Variants in TERF2 observed in about 807,000 individuals in gnomAD.
The protein encoded by TERF2 is telomeric repeat binding factor 2.
Under a neutral mutation model 56.1 loss-of-function variants are expected in TERF2, and 16 were observed. The ratio of observed to expected loss-of-function variants is 0.29; its 90% CI spans 0.19 to 0.43. The LOEUF is 0.43. Among genes scored for constraint, TERF2 ranks in the 20% least tolerant of loss-of-function variants. TERF2 has a pLI of 1.00. For missense variants in TERF2, 547 were observed against 712.9 expected, an observed-to-expected ratio of 0.77 and a Z score of 2.65; for synonymous variants, 296 against 282.1, an observed-to-expected ratio of 1.05 and a Z score of -0.50.
chr16:69,377,663 C>T (rs896620975), intron 3 of TERF2, among the ~76,000 whole-genome samples: 3 of 152,186 alleles, frequency 2.0e-5, no homozygotes, highest in Admixed American at 2.0e-4. Context: ...TTTTGCTAGA[C>T]TTACACGTAT....
intron 8 of TERF2, among the ~76,000 whole-genome samples, chr16:69,357,766 G>GC (rs1161614035): frequency 6.6e-6 from 1 of 151,932 alleles, no homozygotes; most frequent in East Asian, 1.9e-4. Context: ...CCTGTACAAT[G>GC]CAAGTGCTTT....
At chr16:69,385,159 CA>C (rs2014144799) in intron 2 of TERF2, among the ~76,000 whole-genome samples, 1 of 151,768 alleles carries the variant, frequency 6.6e-6, no homozygotes, top group South Asian at 2.1e-4. Flanking sequence ...TTGGGGTGAG[CA>C]ATTAACAGGT....
chr16:69,385,451 C>T lies in TERF2; in HGVS notation c.415G>A (p.Val139Met), dbSNP rs747511003. 6.2e-7 allele frequency: 1 copy of T among 1,614,032 alleles called. No individual in the cohort carries two copies. The highest frequency in any genetic ancestry group is 8.5e-7 in the Non-Finnish European group (1 of 1,180,028). ...TGCATAACCCGCAGCAATCGGGACA[C>T]GGTGTGCTCCTTCCCCAAGGGCCTG... ...LVRPLGKEHT[V>M]SRLLRVMQCL... The change falls in exon 2 of 10, where the codon GTG (valine) becomes ATG (methionine). Residue 139 changes from valine to methionine, a missense_variant. Coordinates refer to ENST00000254942, the MANE Select transcript of TERF2 (RefSeq NM_005652.5).
intron 9 of TERF2, 151 bp from the exon 10 acceptor site, chr16:69,357,207 G>T (rs906272427): frequency 2.1e-6 from 2 of 938,974 alleles, no homozygotes; most frequent in Non-Finnish European, 1.6e-6. Flanking sequence ...GAATGGACAA[G>T]ATATGAGCAC....
intron 6 of TERF2, 72 bp from the exon 7 acceptor site, chr16:69,367,271 T>C (rs555402612): frequency 8.3e-5 from 123 of 1,488,012 alleles, no homozygotes; most frequent in Non-Finnish European, 1.0e-4. Context: ...CACAACTTTT[T>C]TGAAGTTTGA....
rs1210209098 is a variant in TERF2 at position 69,385,525 on chromosome 16, C to A, written c.380-39G>T. 3.7e-6 allele frequency: 6 copies of A among 1,612,624 alleles called. No homozygotes were observed. The African/African-American group carries it at 6.7e-5, about 18-fold the overall frequency. On this transcript the variant is annotated intron_variant, in intron 1 of 9. Transcript: ENST00000254942. ...CATCGTTGGCTGGGCGACCCCCAGTCCCGACTCCCGGTCCCCCGGACCCCC... is the reference window on the plus strand; with the variant it reads ...CATCGTTGGCTGGGCGACCCCCAGTACCGACTCCCGGTCCCCCGGACCCCC...
intron 8 of TERF2, among the ~76,000 whole-genome samples, chr16:69,357,873 G>C (rs999147228): frequency 6.8e-6 from 1 of 147,058 alleles, no homozygotes; most frequent in Non-Finnish European, 1.5e-5. Flanking sequence ...TTTTGAGACG[G>C]AGTCTTGCTC....
chr16:69,370,405 C>CT (rs536036554), intron 5 of TERF2, 78 bp downstream of exon 5: 13 of 1,547,782 alleles, frequency 8.4e-6, no homozygotes, highest in Admixed American at 6.0e-5. Context: ...CACATCAACT[C>CT]TTTTCACTTC....
chr16:69,372,158 T>C, intron 4 of TERF2, 111 bp downstream of exon 4: 1 of 695,798 alleles, frequency 1.4e-6, no homozygotes, highest in Non-Finnish European at 2.4e-6. Context: ...TGTTACATGT[T>C]GAAAGGAGAA....
At chr16:69,382,442 G>C (rs2014037584) in intron 3 of TERF2, among the ~76,000 whole-genome samples, 2 of 152,218 alleles carry the variant, frequency 1.3e-5, no homozygotes, top group African/African-American at 4.8e-5. Flanking sequence ...AGGTAATTGT[G>C]GTTGCCAACC....
chr16:69,372,122 G>T, intron 4 of TERF2, 147 bp downstream of exon 4: 2 of 538,228 alleles, frequency 3.7e-6, no homozygotes, highest in Middle Eastern at 4.0e-4. Flanking sequence ...GAGTTATCTT[G>T]GATATAAAAG....
At chr16:69,367,881 G>C (rs1286561950) in intron 6 of TERF2, among the ~76,000 whole-genome samples, 2 of 152,124 alleles carry the variant, frequency 1.3e-5, no homozygotes, top group Non-Finnish European at 2.9e-5. Context: ...AGCATCCTTG[G>C]ATACTCCCAC....
Position 69,370,636 on chromosome 16 carries a change from A to G in TERF2, c.694-7T>C, listed in dbSNP as rs2013532618. On this transcript the variant is annotated splice_region_variant and splice_polypyrimidine_tract_variant and intron_variant, in intron 4 of 9. Coordinates refer to ENST00000254942, the MANE Select transcript of TERF2 (RefSeq NM_005652.5). Reference sequence around the variant, plus strand: ...GGAGATCATTTCTCAGCTTCTACACAATGGACCGATATTTGCAACATGAGA... The same window carrying G: ...GGAGATCATTTCTCAGCTTCTACACGATGGACCGATATTTGCAACATGAGA... 2 of 1,599,346 alleles carry G rather than the reference A, an allele frequency of 1.3e-6. No homozygotes were observed. The highest frequency in any genetic ancestry group is 2.2e-5 in the East Asian group (1 of 44,666).
intron 8 of TERF2, 148 bp downstream of exon 8, chr16:69,361,256 G>T: frequency 1.6e-6 from 1 of 613,674 alleles, no homozygotes; most frequent in Non-Finnish European, 2.9e-6. Flanking sequence ...AAAAAAAACT[G>T]ATTCTTCATG....
At chr16:69,359,309 C>T (rs1446013337) in intron 8 of TERF2, among the ~76,000 whole-genome samples, 2 of 152,146 alleles carry the variant, frequency 1.3e-5, no homozygotes, top group African/African-American at 2.4e-5. Flanking sequence ...GGGCGGATCA[C>T]TTGAGGTCAG....
intron 1 of TERF2, 31 bp from the exon 2 acceptor site, chr16:69,385,517 C>T (rs764976199): frequency 1.2e-6 from 2 of 1,612,698 alleles, no homozygotes; most frequent in Non-Finnish European, 1.7e-6. Flanking sequence ...GGCTGGGCGA[C>T]CCCCAGTCCC....
In TERF2 at chr16:69,385,369, A is replaced by G. The variant is rs763133925; in HGVS notation, c.475+22T>C. The stretch of plus-strand genomic sequence containing the variant: ...AAACCCTACGCAAGTAAGCCCAGAG[A>G]AGAACACAAAAATAGCCATACCTAA... On this transcript the variant is annotated intron_variant, in intron 2 of 9. Transcript: ENST00000254942. 15 of 1,602,216 alleles carry G rather than the reference A, an allele frequency of 9.4e-6. No individual in the cohort carries two copies. In the East Asian group the frequency reaches 3.3e-4, roughly 36 times the overall value.
intron 3 of TERF2, among the ~76,000 whole-genome samples, chr16:69,382,544 G>A (rs987647179): frequency 6.6e-6 from 1 of 152,228 alleles, no homozygotes; most frequent in African/African-American, 2.4e-5. Flanking sequence ...AGAGCATATG[G>A]TGGAAGTGAT....
At chr16:69,369,700 G>A (rs1258970989) in intron 5 of TERF2, among the ~76,000 whole-genome samples, 1 of 152,192 alleles carries the variant, frequency 6.6e-6, no homozygotes, top group Non-Finnish European at 1.5e-5. Context: ...TCCCTATGCT[G>A]TCCTGAGCCT....
Sources: gnomAD v4.1 joint callset for allele counts (sites outside exome capture counted in the v4.1 genomes callset) on GRCh38, gnomAD v4.1.1 for gene constraint, MANE v1.5 for transcripts, NCBI Gene and HGNC (gene_info 2026-07-23, HGNC 2026-07-21) for gene names.